Variants in SLC39A10 observed in about 807,000 individuals in gnomAD.
SLC39A10 encodes solute carrier family 39 member 10.
In SLC39A10, 13 loss-of-function variants were observed where a neutral mutation model predicts 65.1. The ratio of observed to expected loss-of-function variants is 0.20; its 90% confidence interval spans 0.13 to 0.32. The LOEUF (loss-of-function observed/expected upper bound fraction) is 0.32, where lower values mean the gene tolerates loss of function less well. SLC39A10 is among the 10% of genes least tolerant of loss of function. The pLI is 1.00. For missense variants in SLC39A10, 831 were observed against 1,018.4 expected (o/e 0.82, Z 2.50); for synonymous variants, 321 against 342.2 (o/e 0.94, Z 0.68).
chr2:195,686,590 C>G (rs1459531454), intron 3 of SLC39A10, among the ~76,000 whole-genome samples: 1 of 152,134 alleles, frequency 6.6e-6, no homozygotes, highest in African/African-American at 2.4e-5. Context: ...TGGGACTTTA[C>G]CATGTGCTGT....
At chr2:195,694,346 T>C (rs986926993) in intron 3 of SLC39A10, among the ~76,000 whole-genome samples, 2 of 152,228 alleles carry the variant, frequency 1.3e-5, no homozygotes, top group African/African-American at 4.8e-5. Flanking sequence ...AAGTTCATTG[T>C]TTCTTTGCTG....
rs981537949 is a variant in SLC39A10 at position 195,736,824 on chromosome 2, A to G, written c.*1783A>G. On this transcript the variant is annotated 3_prime_UTR_variant, in exon 10 of 10. Coordinates refer to ENST00000359634, the MANE Select transcript of SLC39A10 (RefSeq NM_020342.3). ...ATCTCATTGCTTGGCCCTTCAAGCA[A>G]CCTAGCTAAAAGGTGCTGATATTTT... 1 of 152,604 alleles carries G rather than the reference A, an allele frequency of 6.6e-6. No individual in the cohort carries two copies. Among genetic ancestry groups the G allele is most frequent in the African/African-American group, 2.4e-5 (1 of 41,456 alleles). The allele number at this position is 152,604 out of a possible 1,614,324, so 9.5% of individuals were successfully genotyped here.
chr2:195,717,010 G>A lies in SLC39A10; in HGVS notation c.2065+5G>A. 1 of 1,611,632 alleles carries A rather than the reference G, an allele frequency of 6.2e-7. No individual in the cohort carries two copies. Among genetic ancestry groups the A allele is most frequent in the Non-Finnish European group, 8.5e-7 (1 of 1,178,676 alleles). On this transcript the variant is annotated splice_donor_5th_base_variant and intron_variant, in intron 7 of 9. Coordinates refer to ENST00000359634, the MANE Select transcript of SLC39A10 (RefSeq NM_020342.3). ...TCAGTGATGGGCTCGCAATTGGTAA[G>A]TGGACTGGAAACCACTGTCTATGCT...
intron 4 of SLC39A10, 129 bp downstream of exon 4, chr2:195,706,914 A>G (rs1204270825): frequency 3.4e-6 from 2 of 595,260 alleles, no homozygotes; most frequent in Non-Finnish European, 4.9e-6. Flanking sequence ...AGGATGAAGT[A>G]TTTTTTTCTC....
At chr2:195,731,997 A>G (rs1457786583) in intron 9 of SLC39A10, among the ~76,000 whole-genome samples, 1 of 152,220 alleles carries the variant, frequency 6.6e-6, no homozygotes, top group African/African-American at 2.4e-5. Context: ...AAACACTCTA[A>G]ATGTTCAAGA....
chr2:195,735,084 C>G lies in SLC39A10; in HGVS notation c.*43C>G, dbSNP rs1280453654. On this transcript the variant is annotated 3_prime_UTR_variant, in exon 10 of 10. Transcript: ENST00000359634. ...TGTTGATTACGAGAATGTTACCATG[C>G]AGCTTTGCATCTGTTCCTTGTACTG... The G allele has an allele frequency of 6.3e-7, 1 of 1,581,860 alleles. No individual in the cohort carries two copies. The highest frequency in any genetic ancestry group is 1.4e-5 in the African/African-American group (1 of 73,978).
intron 9 of SLC39A10, among the ~76,000 whole-genome samples, chr2:195,734,159 TAAAAAAA>T (rs35001848): frequency 3.4e-5 from 4 of 116,556 alleles, no homozygotes; most frequent in African/African-American, 1.0e-4. Context: ...CCTTTTTTTT[TAAAAAAA>T]AAAAAAAAAA....
At position 195,680,182 on chromosome 2, in the gene SLC39A10, A is replaced by G; in HGVS notation, c.140A>G (p.Glu47Gly). 1 of 1,614,134 alleles carries G rather than the reference A, an allele frequency of 6.2e-7. No homozygotes were observed. The highest frequency in any genetic ancestry group is 8.5e-7 in the Non-Finnish European group (1 of 1,180,038). The change falls in exon 2 of 10, where the codon GAG (glutamate) becomes GGG (glycine). Residue 47 changes from glutamate to glycine, a missense_variant. Glu to Gly is a moderately conservative substitution (Grantham distance 98). Around this residue, in one of 4 missense-constraint regions of SLC39A10, gnomAD observed 446 missense variants for 499.2 expected, o/e 0.89. Transcript: ENST00000359634. ...HRQHRGMTEL[E>G]PSKFSKQAAE... ...CAGCATCGTGGAATGACAGAATTGGAGCCAAGCAAATTTTCAAAGCAAGCT... is the reference window on the plus strand; with the variant it reads ...CAGCATCGTGGAATGACAGAATTGGGGCCAAGCAAATTTTCAAAGCAAGCT...
chr2:195,716,957 G>A lies in SLC39A10; in HGVS notation c.2017G>A (p.Val673Met). 1 of 1,614,170 alleles carries A rather than the reference G, an allele frequency of 6.2e-7. No individual in the cohort carries two copies. The highest frequency in any genetic ancestry group is 1.1e-5 in the South Asian group (1 of 91,066). The change falls in exon 7 of 10, where the codon GTG becomes ATG. Residue 673 changes from valine (V) to methionine (M), a missense_variant. Transcript: ENST00000359634. ...ETGIANIAWM[V>M]IMGDGIHNFS... ...AGGAATAGCTAATATAGCCTGGATG[G>A]TGATCATGGGGGATGGCATCCACAA...
chr2:195,616,674 G>T lies in SLC39A10; in HGVS notation c.-12+10441G>T, dbSNP rs192798776. On this transcript the variant is annotated intron_variant, in intron 2 of 2. Coordinates refer to the SLC39A10 transcript ENST00000458054. ...GCTGGAGTGCAGTGGTGCCATCTCG[G>T]CTCACTGCAAGCTCCGCCTCCCAGG... Among the ~76,000 whole-genome samples the T allele has an allele frequency of 5.9e-3, 893 of 151,076 alleles. 5 individuals carry two copies. The highest frequency in any genetic ancestry group is 0.011 in the Non-Finnish European group (725 of 67,822).
At chr2:195,638,005 A>C (rs934342447) in intron 2 of SLC39A10, among the ~76,000 whole-genome samples, 1 of 152,222 alleles carries the variant, frequency 6.6e-6, no homozygotes, top group Non-Finnish European at 1.5e-5. Context: ...AGGAAGGAAG[A>C]GATCCTAGAG....
chr2:195,618,392 G>A (rs1172472322), intron 2 of SLC39A10, among the ~76,000 whole-genome samples: 1 of 150,646 alleles, frequency 6.6e-6, no homozygotes, highest in Non-Finnish European at 1.5e-5. Flanking sequence ...TTAACTGACA[G>A]TATTGAGAAA....
At chr2:195,711,271 G>A (rs937581308) in intron 5 of SLC39A10, among the ~76,000 whole-genome samples, 3 of 152,116 alleles carry the variant, frequency 2.0e-5, no homozygotes, top group African/African-American at 7.2e-5. Flanking sequence ...AGATAAACAA[G>A]TTTTTTGTTT....
chr2:195,633,378 C>T (rs955183768), intron 2 of SLC39A10, among the ~76,000 whole-genome samples: 5 of 152,180 alleles, frequency 3.3e-5, no homozygotes, highest in African/African-American at 9.7e-5. Flanking sequence ...ATGTGGGACC[C>T]GAGGCAGCGT....
chr2:195,648,035 C>T (rs1688960765), intron 2 of SLC39A10, among the ~76,000 whole-genome samples: 1 of 152,176 alleles, frequency 6.6e-6, no homozygotes, highest in Non-Finnish European at 1.5e-5. Flanking sequence ...CTCTGTCACC[C>T]AGGCTAGAAT....
rs529156290 is a variant in SLC39A10, at chr2:195,725,809, T to G, written c.2147-2350T>G. Among the ~76,000 whole-genome samples the G allele has an allele frequency of 2.0e-5, 3 of 152,316 alleles. No homozygotes were observed. The East Asian group carries it at 5.8e-4, about 29-fold the overall frequency. ...TTTCTGATATACACAGTAACACGAATGAGTCTTACATGCATTATTCTAAGT... is the reference window on the plus strand; with the variant it reads ...TTTCTGATATACACAGTAACACGAAGGAGTCTTACATGCATTATTCTAAGT... On this transcript the variant is annotated intron_variant, in intron 8 of 9. Coordinates refer to ENST00000359634, the MANE Select transcript of SLC39A10 (RefSeq NM_020342.3).
upstream of SLC39A10, among the ~76,000 whole-genome samples, chr2:195,656,345 T>A (rs938345049): frequency 2.6e-5 from 4 of 152,030 alleles, no homozygotes; most frequent in African/African-American, 7.3e-5. Context: ...ACAATTTAGA[T>A]GGGATGTATG....
intron 3 of SLC39A10, among the ~76,000 whole-genome samples, chr2:195,701,791 C>G (rs1217988439): frequency 6.6e-6 from 1 of 152,076 alleles, no homozygotes; most frequent in African/African-American, 2.4e-5. Context: ...AGGTGATCCT[C>G]CCGCCTCAGC....
chr2:195,689,274 T>G (rs565113689), intron 3 of SLC39A10, among the ~76,000 whole-genome samples: 151 of 152,178 alleles, frequency 9.9e-4, no homozygotes, highest in African/African-American at 3.6e-3. Context: ...TTGAAAAAAT[T>G]AGCTGGGCAT....
Sources: gnomAD v4.1 joint callset for allele counts (sites outside exome capture counted in the v4.1 genomes callset) on GRCh38, gnomAD v4.1.1 for gene constraint, gnomAD v4.1.1 regional missense constraint, MANE v1.5 for transcripts, NCBI Gene and HGNC (gene_info 2026-07-23, HGNC 2026-07-21) for gene names.